PKM: variants seen among roughly 807,000 people sequenced by gnomAD.
PKM encodes pyruvate kinase M1/2.
Under a neutral mutation model 49.8 loss-of-function variants are expected in PKM, and 18 were observed. That is an observed-to-expected ratio of 0.36 (90% CI 0.25 to 0.54). The LOEUF (loss-of-function observed/expected upper bound fraction) is 0.54. PKM is among the 20% of genes least tolerant of loss of function. The pLI, the probability that PKM is intolerant of heterozygous loss-of-function variation, is 0.89. For synonymous variants in PKM, 239 were observed against 261.8 expected, an observed-to-expected ratio of 0.91 and a Z score of 0.84; for missense variants, 508 against 713.8, an observed-to-expected ratio of 0.71 and a Z score of 3.28.
intron 3 of PKM, among the ~76,000 whole-genome samples, chr15:72,210,941 G>A (rs1208783886): frequency 1.3e-5 from 2 of 152,206 alleles, no homozygotes; most frequent in African/African-American, 4.8e-5. Flanking sequence ...ATGTGGTAAT[G>A]CTGAGAGCTT....
chr15:72,222,488 C>T (rs1217878131), intron 1 of PKM: 2 of 152,418 alleles, frequency 1.3e-5, no homozygotes, highest in African/African-American at 4.8e-5. Flanking sequence ...ACTCCCCTGG[C>T]TCCAGGAGAG....
At chr15:72,226,501 G>C (rs910873348) in intron 1 of PKM, among the ~76,000 whole-genome samples, 1 of 152,186 alleles carries the variant, frequency 6.6e-6, no homozygotes, top group African/African-American at 2.4e-5. Flanking sequence ...CTGCACTCCA[G>C]CCTGGGTCAT....
chr15:72,199,243 C>G lies in PKM; in HGVS notation c.*407G>C. On this transcript the variant is annotated 3_prime_UTR_variant, in exon 11 of 11. Transcript: ENST00000335181. ...AGAGTCGGCTTCAATGGAACAACAG[C>G]CCAGTGCCCTAAGGCCCCTAACTCT... 2.7e-6 allele frequency: 1 copy of G among 369,518 alleles called. No individual in the cohort carries two copies. The highest frequency in any genetic ancestry group is 5.3e-6 in the Non-Finnish European group (1 of 188,556). 22.9% of individuals were successfully genotyped at this position (369,518 alleles called of 1,614,324 possible). A position where few individuals can be genotyped will look rare whatever the true frequency, so the allele number is the denominator to read the frequency against.
chr15:72,225,101 T>G (rs866986387), intron 1 of PKM, among the ~76,000 whole-genome samples: 3,456 of 145,618 alleles, frequency 0.024, 146 homozygotes, highest in African/African-American at 0.083. Context: ...TTTTTTTTTT[T>G]TTTTTTTTGT....
intron 3 of PKM, among the ~76,000 whole-genome samples, chr15:72,211,354 A>G (rs12916226): frequency 0.013 from 2,052 of 152,278 alleles, 21 homozygotes; most frequent in East Asian, 0.028. Context: ...GGCGTGAGCC[A>G]CTGCGCCCGG....
intron 3 of PKM, among the ~76,000 whole-genome samples, chr15:72,212,267 G>T (rs1453990063): frequency 6.6e-6 from 1 of 152,112 alleles, no homozygotes; most frequent in Non-Finnish European, 1.5e-5. Context: ...ATGAGATCAA[G>T]AGATTGACAA....
At position 72,213,491 on chromosome 15, in the gene PKM, C is replaced by T. The variant is rs187492829; in HGVS notation, c.247-3013G>A. ...CAACTTTTTGGCTGGAGTGCAGTGG[C>T]GCGATCTTGGCTCACTGTAGCCTCC... On this transcript the variant is annotated intron_variant, in intron 3 of 10. Transcript: ENST00000335181. Among the ~76,000 whole-genome samples the T allele has an allele frequency of 6.6e-4, 101 of 152,328 alleles. 1 individual carries two copies. The highest frequency in any genetic ancestry group is 2.4e-3 in the African/African-American group (98 of 41,574).
chr15:72,206,926 C>CA (rs755560581), intron 7 of PKM, 46 bp from the exon 8 acceptor site: 1 of 1,606,116 alleles, frequency 6.2e-7, no homozygotes, highest in Admixed American at 1.7e-5. Flanking sequence ...GAGCTGTCTT[C>CA]AGAGACAAAT....
Position 72,199,076 on chromosome 15 carries a change from C to T in PKM, c.*574G>A, listed in dbSNP as rs1596708444. The stretch of plus-strand genomic sequence containing the variant: ...GACATACAGGTAGGCTCTATAGCAA[C>T]AGGCCTGGAGGTGCTGCAGTAGTGG... On this transcript the variant is annotated 3_prime_UTR_variant, in exon 11 of 11. Coordinates refer to ENST00000335181, the MANE Select transcript of PKM (RefSeq NM_002654.6). The T allele has an allele frequency of 7.8e-6, 2 of 256,206 alleles. No homozygotes were observed. The highest frequency in any genetic ancestry group is 2.2e-4 in the East Asian group (2 of 9,108). 15.9% of individuals were successfully genotyped at this position (256,206 alleles called of 1,614,324 possible).
In PKM at chr15:72,202,372, T is replaced by C. The variant is rs1223066338; in HGVS notation, c.1307+82A>G. On this transcript the variant is annotated intron_variant, in intron 9 of 10. Transcript: ENST00000335181. The surrounding 1 kb of genome is among the most constrained non-coding windows in gnomAD (Gnocchi z 4.5). ...ACCTTGGCTCAGTGCCACCTGAGCA[T>C]TGTTCAATGGACTGCTCCCAGGACC... is the stretch of plus-strand genomic sequence containing the variant. The C allele has an allele frequency of 7.2e-6, 10 of 1,394,550 alleles. No homozygotes were observed. Among genetic ancestry groups the C allele is most frequent in the South Asian group, 4.9e-5 (4 of 81,390 alleles). 86.4% of individuals were successfully genotyped at this position (1,394,550 alleles called of 1,614,324 possible). A position where few individuals can be genotyped will look rare whatever the true frequency, so the allele number is the denominator to read the frequency against.
chr15:72,221,282 G>T (rs1338242821), intron 1 of PKM: 1 of 1,527,306 alleles, frequency 6.5e-7, no homozygotes, highest in African/African-American at 1.4e-5. Context: ...GTGCCCTGGA[G>T]AGCTGCACAA....
chr15:72,204,426 T>C (rs1321407082), intron 8 of PKM: 1 of 152,218 alleles, frequency 6.6e-6, no homozygotes, highest in Non-Finnish European at 1.5e-5. Flanking sequence ...GGATATGGAA[T>C]TTAGACCCTG....
At chr15:72,231,079 G>T in intron 1 of PKM, 37 bp downstream of exon 1, 1 of 577,650 alleles carries the variant, frequency 1.7e-6, no homozygotes, top group Non-Finnish European at 2.8e-6. Flanking sequence ...ACTGGCCCTT[G>T]GTGGGGACTG....
At position 72,230,837 on chromosome 15, in the gene PKM, G is replaced by A. The variant is rs1300164466; in HGVS notation, c.-14+279C>T. The A allele has an allele frequency of 3.4e-6, 3 of 881,340 alleles. No individual in the cohort carries two copies. The African/African-American group carries it at 5.2e-5, about 15-fold the overall frequency. The allele number at this position is 881,340 out of a possible 1,614,324, so 54.6% of individuals were successfully genotyped here. ...AGGCGCATTGAGGATTGGGGCAGGAGGAAGAGGATGGGACCAGAATGAGGG... is the reference window on the plus strand; with the variant it reads ...AGGCGCATTGAGGATTGGGGCAGGAAGAAGAGGATGGGACCAGAATGAGGG... On this transcript the variant is annotated intron_variant, in intron 1 of 10. Coordinates refer to ENST00000335181, the MANE Select transcript of PKM (RefSeq NM_002654.6).
At chr15:72,227,769 A>AAAC (rs2082718128) in intron 1 of PKM, among the ~76,000 whole-genome samples, 1 of 89,676 alleles carries the variant, frequency 1.1e-5, no homozygotes, top group African/African-American at 4.6e-5. Context: ...AAAAAAAAAA[A>AAAC]AAAAACAAAA....
intron 1 of PKM, among the ~76,000 whole-genome samples, chr15:72,221,832 G>A (rs1212393089): frequency 2.7e-5 from 4 of 146,210 alleles, no homozygotes; most frequent in Admixed American, 1.4e-4. Context: ...AAAAAAAAAC[G>A]ATACAAGTCT....
intron 1 of PKM, among the ~76,000 whole-genome samples, chr15:72,222,723 G>A (rs956434457): frequency 2.6e-5 from 4 of 152,262 alleles, no homozygotes; most frequent in Non-Finnish European, 1.5e-5. Flanking sequence ...CCAGGTCCAG[G>A]AGCCTTATTC....
At chr15:72,220,987 T>C (rs1479214504) in intron 1 of PKM, among the ~76,000 whole-genome samples, 2 of 152,250 alleles carry the variant, frequency 1.3e-5, no homozygotes, top group Non-Finnish European at 2.9e-5. Context: ...AAGGCTTTGC[T>C]GTGGCCTCCA....
intron 1 of PKM, chr15:72,222,366 G>A (rs945726294): frequency 6.6e-6 from 1 of 152,048 alleles, no homozygotes; most frequent in Non-Finnish European, 1.5e-5. Context: ...TCCCTTGCAG[G>A]GAGGGCCAGA....
Sources: gnomAD v4.1 joint callset for allele counts (sites outside exome capture counted in the v4.1 genomes callset) on GRCh38, gnomAD v4.1.1 for gene constraint, Gnocchi (gnomAD v3.1) non-coding constraint, MANE v1.5 for transcripts, NCBI Gene and HGNC (gene_info 2026-07-23, HGNC 2026-07-21) for gene names.